TSHZ2: variants seen among roughly 807,000 people sequenced by gnomAD.
TSHZ2 encodes teashirt homolog 2.
TSHZ2 carries 21 observed loss-of-function variants against 74.4 expected under a neutral mutation model. That is an observed-to-expected ratio of 0.28 (90% CI 0.20 to 0.41). The LOEUF (loss-of-function observed/expected upper bound fraction) is 0.41. Among genes scored for constraint, TSHZ2 ranks in the 10% least tolerant of loss-of-function variants. The probability of loss-of-function intolerance (pLI) is 1.00; values close to 1 mark genes in which losing one functional copy is unlikely to be tolerated. For missense variants in TSHZ2, 1,244 were observed against 1,293.5 expected, an observed-to-expected ratio of 0.96 and a Z score of 0.59; for synonymous variants, 540 against 515.3, an observed-to-expected ratio of 1.05 and a Z score of -0.65.
chr20:53,431,697 G>A (rs536235402), intron 2 of TSHZ2, among the ~76,000 whole-genome samples: 4 of 152,172 alleles, frequency 2.6e-5, no homozygotes, highest in African/African-American at 9.7e-5. Context: ...CATGGTGAAG[G>A]TGGAAGAGAA....
At chr20:53,377,204 C>T (rs553428134) in intron 2 of TSHZ2, among the ~76,000 whole-genome samples, 1 of 152,372 alleles carries the variant, frequency 6.6e-6, no homozygotes, top group Admixed American at 6.5e-5. Flanking sequence ...GAACCTTACA[C>T]TTGCTCTCTC....
At chr20:53,437,407 AG>A (rs1984128358) in intron 2 of TSHZ2, among the ~76,000 whole-genome samples, 2 of 152,146 alleles carry the variant, frequency 1.3e-5, no homozygotes. Flanking sequence ...CGGGGGACAG[AG>A]GTTGCAGTGA....
intron 2 of TSHZ2, among the ~76,000 whole-genome samples, chr20:53,486,622 G>A (rs1276614768): frequency 6.6e-6 from 1 of 152,124 alleles, no homozygotes; most frequent in Non-Finnish European, 1.5e-5. Context: ...TGAGGTTGCC[G>A]TGAGCCGTGA....
chr20:53,097,511 T>A (rs1469206752), intron 1 of TSHZ2: 1 of 152,240 alleles, frequency 6.6e-6, no homozygotes, highest in Non-Finnish European at 1.5e-5. Flanking sequence ...CCAGTTTCAA[T>A]CTGGCCCAGG....
intron 2 of TSHZ2, among the ~76,000 whole-genome samples, chr20:53,441,078 T>C (rs1984294360): frequency 6.6e-6 from 1 of 152,172 alleles, no homozygotes; most frequent in African/African-American, 2.4e-5. Context: ...TGTTCCCCAA[T>C]TTCTTAGGGA....
At chr20:52,996,069 G>A (rs1982175500) in intron 1 of TSHZ2, among the ~76,000 whole-genome samples, 4 of 152,134 alleles carry the variant, frequency 2.6e-5, no homozygotes. Flanking sequence ...ACAACAGTAT[G>A]TTGAAGACTA....
intron 2 of TSHZ2, among the ~76,000 whole-genome samples, chr20:53,286,853 C>T (rs934378354): frequency 4.0e-5 from 6 of 151,294 alleles, no homozygotes; most frequent in Admixed American, 1.3e-4. Context: ...TATACTTCAG[C>T]ATGGGTAACA....
chr20:53,390,179 G>A (rs1223587711), intron 2 of TSHZ2, among the ~76,000 whole-genome samples: 1 of 152,164 alleles, frequency 6.6e-6, no homozygotes, highest in African/African-American at 2.4e-5. Context: ...GATTTTCCGG[G>A]AGAGTAAATG....
At chr20:53,361,369 G>C (rs1420405624) in intron 2 of TSHZ2, among the ~76,000 whole-genome samples, 1 of 152,194 alleles carries the variant, frequency 6.6e-6, no homozygotes, top group African/African-American at 2.4e-5. Flanking sequence ...ATAAATGATA[G>C]CTCCTCTGGA....
intron 1 of TSHZ2, among the ~76,000 whole-genome samples, chr20:53,141,668 C>T (rs1987404252): frequency 6.6e-6 from 1 of 152,216 alleles, no homozygotes; most frequent in Admixed American, 6.5e-5. Flanking sequence ...TGCTGTTTGT[C>T]ACCTTTCCTG....
intron 1 of TSHZ2, among the ~76,000 whole-genome samples, chr20:53,165,971 A>G (rs967366375): frequency 3.3e-5 from 5 of 152,136 alleles, no homozygotes; most frequent in Admixed American, 2.0e-4. Context: ...GTTCATCACA[A>G]ACTTTCTAGT....
intron 1 of TSHZ2, among the ~76,000 whole-genome samples, chr20:53,029,114 A>G (rs2123056578): frequency 1.3e-5 from 2 of 152,344 alleles, no homozygotes; most frequent in South Asian, 4.1e-4. Context: ...TTCAAATAGA[A>G]CATTGTAAGT....
At chr20:53,100,659 GC>G in intron 1 of TSHZ2, among the ~76,000 whole-genome samples, 1 of 152,104 alleles carries the variant, frequency 6.6e-6, no homozygotes, top group East Asian at 1.9e-4. Flanking sequence ...AAGGGTCAAA[GC>G]CCATCAAACC....
chr20:53,433,584 GACAC>G (rs59162370), intron 2 of TSHZ2, among the ~76,000 whole-genome samples: 8,748 of 137,090 alleles, frequency 0.064, 376 homozygotes, highest in East Asian at 0.15. Context: ...CAGACACACA[GACAC>G]ACACACACAC....
chr20:52,989,771 G>A (rs1366150556), intron 1 of TSHZ2, among the ~76,000 whole-genome samples: 4 of 151,874 alleles, frequency 2.6e-5, no homozygotes, highest in Admixed American at 6.6e-5. Flanking sequence ...TTACATGCAT[G>A]TATATGTTGT....
rs774905942 is a variant in TSHZ2 at position 53,254,004 on chromosome 20, T to C, written c.546T>C (p.Pro182=). ...CCAAAAGCCTGCAGCAGAACTTGCC[T>C]TCTCGGTCCGTCTCGAAACCCAGCC... is the stretch of plus-strand genomic sequence containing the variant. The part of the protein sequence containing the change: ...ALSKSLQQNL[P]SRSVSKPSLF... Residue 182 remains proline (P), a synonymous_variant, in exon 2 of 3, where the codon CCT becomes CCC. Transcript: ENST00000371497. 1 of 1,614,124 alleles carries C rather than the reference T, an allele frequency of 6.2e-7. No individual in the cohort carries two copies. The highest frequency in any genetic ancestry group is 8.5e-7 in the Non-Finnish European group (1 of 1,180,020).
At chr20:53,373,917 C>A (rs73913713) in intron 2 of TSHZ2, among the ~76,000 whole-genome samples, 1,899 of 152,264 alleles carry the variant, frequency 0.012, 33 homozygotes, top group African/African-American at 0.043. Context: ...TATATGACTG[C>A]TTCCCAAAGT....
chr20:53,358,310 A>AC (rs989249991), intron 2 of TSHZ2, among the ~76,000 whole-genome samples: 9 of 150,582 alleles, frequency 6.0e-5, no homozygotes, highest in Non-Finnish European at 1.0e-4. Flanking sequence ...GCAGAAAAAA[A>AC]AAAAAAGTTT....
chr20:53,342,973 T>C (rs1980277591), intron 2 of TSHZ2, among the ~76,000 whole-genome samples: 1 of 126,586 alleles, frequency 7.9e-6, no homozygotes, highest in South Asian at 2.9e-4. Flanking sequence ...TTTTTTTTTT[T>C]TTTTTTTTTT....
Sources: gnomAD v4.1 joint callset for allele counts (sites outside exome capture counted in the v4.1 genomes callset) on GRCh38, gnomAD v4.1.1 for gene constraint, MANE v1.5 for transcripts, NCBI Gene and HGNC (gene_info 2026-07-23, HGNC 2026-07-21) for gene names.